TIAM2: variants seen among roughly 807,000 people sequenced by gnomAD.
The protein encoded by TIAM2 is rho guanine nucleotide exchange factor TIAM2.
TIAM2 carries 80 observed loss-of-function variants against 152.9 expected under a neutral mutation model. That is an observed-to-expected ratio of 0.52 (90% confidence interval 0.44 to 0.63). TIAM2 has a LOEUF of 0.63. Ranked by LOEUF, TIAM2 falls within the 30% of genes least tolerant of loss-of-function variation. The pLI is 0.00. For missense variants in TIAM2, 1,965 were observed against 2,120.1 expected (o/e 0.93, Z 1.44); for synonymous variants, 804 against 838.0 (o/e 0.96, Z 0.70).
In TIAM2 at chr6:155,157,240, C is replaced by T. The variant is rs535064022; in HGVS notation, c.2029-7175C>T. ...CCACCCCACTTCCCAGTGTTCCAGG[C>T]CTTCCTGCTTCACCCCCGTCTAACA... On this transcript the variant is annotated intron_variant, in intron 7 of 26. Transcript: ENST00000682666. Among the ~76,000 whole-genome samples, 384 of 152,220 alleles carry T rather than the reference C, an allele frequency of 2.5e-3. 1 individual carries two copies. The highest frequency in any genetic ancestry group is 8.7e-3 in the African/African-American group (362 of 41,518).
At position 155,257,593 on chromosome 6, in the gene TIAM2, T is replaced by A. The variant is rs1784148858; in HGVS notation, c.*472T>A. ...TTCATTTTTGTAAGATAGATTGTAATAGATGCTGTTTATACTAAACATGTC... is the reference window on the plus strand; with the variant it reads ...TTCATTTTTGTAAGATAGATTGTAAAAGATGCTGTTTATACTAAACATGTC... On this transcript the variant is annotated 3_prime_UTR_variant, in exon 27 of 27. Transcript: ENST00000682666. 5 of 482,592 alleles carry A rather than the reference T, an allele frequency of 1.0e-5. No homozygotes were observed. Among genetic ancestry groups the A allele is most frequent in the African/African-American group, 1.9e-5 (1 of 51,334 alleles). 29.9% of individuals were successfully genotyped at this position (482,592 alleles called of 1,614,324 possible).
In TIAM2 at chr6:155,257,566, A is replaced by G; in HGVS notation, c.*445A>G. ...TGGTTTAGGGGCAAAATGTGCAGATACTTCATTTTTGTAAGATAGATTGTA... is the reference window on the plus strand; with the variant it reads ...TGGTTTAGGGGCAAAATGTGCAGATGCTTCATTTTTGTAAGATAGATTGTA... On this transcript the variant is annotated 3_prime_UTR_variant, in exon 27 of 27. Coordinates refer to ENST00000682666, the MANE Select transcript of TIAM2 (RefSeq NM_012454.4). The G allele has an allele frequency of 2.7e-6, 1 of 367,912 alleles. No homozygotes were observed. The highest frequency in any genetic ancestry group is 6.1e-5 in the Admixed American group (1 of 16,448). 22.8% of individuals were successfully genotyped at this position (367,912 alleles called of 1,614,324 possible). A position where few individuals can be genotyped will look rare whatever the true frequency, so the allele number is the denominator to read the frequency against.
intron 1 of TIAM2, among the ~76,000 whole-genome samples, chr6:155,040,336 G>A (rs765706503): frequency 2.0e-5 from 3 of 152,128 alleles, no homozygotes; most frequent in Non-Finnish European, 4.4e-5. Flanking sequence ...TGTTAGGGGA[G>A]CCATTATCAT....
chr6:155,248,248 G>C, intron 20 of TIAM2, 69 bp downstream of exon 20: 1 of 1,514,326 alleles, frequency 6.6e-7, no homozygotes. Context: ...GCCGTGCCCT[G>C]GGCCTGACAG....
intron 14 of TIAM2, among the ~76,000 whole-genome samples, chr6:155,189,929 G>A (rs939140623): frequency 6.6e-6 from 1 of 152,160 alleles, no homozygotes; most frequent in Non-Finnish European, 1.5e-5. Context: ...GTGGTGGGGG[G>A]ATTTGGTGGA....
rs1583285788 is a variant in TIAM2 at position 155,248,237 on chromosome 6, A to C, written c.3832+58A>C. On this transcript the variant is annotated intron_variant, in intron 20 of 26. Coordinates refer to ENST00000682666, the MANE Select transcript of TIAM2 (RefSeq NM_012454.4). The stretch of plus-strand genomic sequence containing the variant: ...CTGCACAGGGCGGCGAGGGGCTGCC[A>C]GCCGTGCCCTGGGCCTGACAGCTCA... 3 of 1,554,324 alleles carry C rather than the reference A, an allele frequency of 1.9e-6. No individual in the cohort carries two copies. In the East Asian group the frequency reaches 6.9e-5, roughly 36 times the overall value.
At chr6:155,070,309 C>T (rs936426233) in intron 1 of TIAM2, among the ~76,000 whole-genome samples, 4 of 143,438 alleles carry the variant, frequency 2.8e-5, no homozygotes, top group Non-Finnish European at 6.0e-5. Flanking sequence ...CAACCTCTGC[C>T]TCCCGGGTTC....
At chr6:155,095,099 T>C (rs1390181525) in intron 2 of TIAM2, among the ~76,000 whole-genome samples, 1 of 152,136 alleles carries the variant, frequency 6.6e-6, no homozygotes, top group Non-Finnish European at 1.5e-5. Flanking sequence ...GTGTGTAATT[T>C]GCACACGTCT....
rs746848967 is a variant in TIAM2, at chr6:155,182,297, GATGGCCTGGCGT to G, written c.2784_2795del (p.Leu929_Gly932del). 4.3e-6 allele frequency: 7 copies of G among 1,614,142 alleles called. No individual in the cohort carries two copies. In the South Asian group the frequency reaches 7.7e-5, roughly 18 times the overall value. On this transcript the variant is annotated inframe_deletion, in exon 13 of 27. Coordinates refer to ENST00000682666, the MANE Select transcript of TIAM2 (RefSeq NM_012454.4). Reference sequence around the variant, plus strand: ...GATATTTATAAGCGACGTTCTTCCCGATGGCCTGGCGTATGGGGAAGGTCCGTGTGGCACACC... The same window carrying G: ...GATATTTATAAGCGACGTTCTTCCCGATGGGGAAGGTCCGTGTGGCACACC...
chr6:155,137,346 G>A lies in TIAM2; in HGVS notation c.1364G>A (p.Arg455Gln), dbSNP rs765320684. 25 of 1,614,062 alleles carry A rather than the reference G, an allele frequency of 1.5e-5. No individual in the cohort carries two copies. Among genetic ancestry groups the A allele is most frequent in the South Asian group, 1.4e-4 (13 of 91,092 alleles). ...STHAIGSDPL[R>Q]QNIYENFMRE... ...CATGCGATTGGCAGCGATCCCCTCC[G>A]GCAGAACATTTATGAGAATTTCATG... The change falls in exon 5 of 27, where the codon CGG becomes CAG. Residue 455 changes from arginine (R) to glutamine (Q), a missense_variant. Transcript: ENST00000682666.
chr6:155,129,468 C>A lies in TIAM2; in HGVS notation c.245C>A (p.Thr82Lys). Residue 82 changes from threonine (T) to lysine (K), a missense_variant, in exon 4 of 27, where the codon ACA becomes AAA. Physicochemically the swap from Thr to Lys is moderately conservative, Grantham distance 78 (BLOSUM62 -1). Transcript: ENST00000682666. This position sits in a 1 kb window ranked among gnomAD's most constrained non-coding sequence, Gnocchi z 4.8. ...QPYASRLGGP[T>K]CKVSRGVAYS... ...TACGCATCGAGACTCGGTGGCCCCA[C>A]ATGCAAGGTCTCCAGAGGTGTTGCC... The A allele has an allele frequency of 1.9e-6, 3 of 1,614,164 alleles. No homozygotes were observed. The highest frequency in any genetic ancestry group is 1.7e-6 in the Non-Finnish European group (2 of 1,180,040).
intron 18 of TIAM2, 46 bp downstream of exon 18, chr6:155,244,829 G>C (rs745951875): frequency 6.4e-7 from 1 of 1,556,188 alleles, no homozygotes; most frequent in Admixed American, 1.9e-5. Flanking sequence ...CGTGGCTATG[G>C]TACGTATTTC....
At chr6:155,098,275 A>G (rs1349579727) in intron 2 of TIAM2, among the ~76,000 whole-genome samples, 4 of 152,098 alleles carry the variant, frequency 2.6e-5, no homozygotes, top group Non-Finnish European at 4.4e-5. Flanking sequence ...TAGTATTGCC[A>G]TTTTAACAAT....
chr6:155,007,671 T>G (rs911805262), intron 1 of TIAM2, among the ~76,000 whole-genome samples: 13 of 152,220 alleles, frequency 8.5e-5, no homozygotes, highest in African/African-American at 3.1e-4. Context: ...GGCCATTTCC[T>G]GAGGGATACC....
intron 1 of TIAM2, among the ~76,000 whole-genome samples, chr6:155,004,543 C>T (rs1025874490): frequency 3.9e-5 from 6 of 152,004 alleles, no homozygotes; most frequent in Non-Finnish European, 7.4e-5. Context: ...TACAGGCGCC[C>T]GCCACTACGC....
chr6:155,021,390 T>C (rs1461932996), intron 1 of TIAM2, among the ~76,000 whole-genome samples: 1 of 151,908 alleles, frequency 6.6e-6, no homozygotes, highest in African/African-American at 2.4e-5. Context: ...GCCTCCCGAG[T>C]AGCTGGGATT....
chr6:155,222,568 TCCA>T (rs1321837877), intron 15 of TIAM2, among the ~76,000 whole-genome samples: 1 of 148,776 alleles, frequency 6.7e-6, no homozygotes, highest in African/African-American at 2.5e-5. Flanking sequence ...ACCACTGTAC[TCCA>T]ACCTGGATGA....
At chr6:155,246,895 T>C (rs1783368318) in intron 19 of TIAM2, among the ~76,000 whole-genome samples, 2 of 152,244 alleles carry the variant, frequency 1.3e-5, no homozygotes, top group Admixed American at 6.5e-5. Flanking sequence ...TCCTTCAGAG[T>C]AGCTGCATTC....
At chr6:155,025,878 AAAAG>A (rs1776592914) in intron 1 of TIAM2, among the ~76,000 whole-genome samples, 1 of 143,496 alleles carries the variant, frequency 7.0e-6, no homozygotes, top group African/African-American at 2.6e-5. Context: ...ACACACACAG[AAAAG>A]AAAGAAGGGA....
Sources: gnomAD v4.1 joint callset for allele counts (sites outside exome capture counted in the v4.1 genomes callset) on GRCh38, gnomAD v4.1.1 for gene constraint, Gnocchi (gnomAD v3.1) non-coding constraint, MANE v1.5 for transcripts, NCBI Gene and HGNC (gene_info 2026-07-23, HGNC 2026-07-21) for gene names.